The following PTPRH variants were observed in gnomAD, a reference collection of about 807,000 sequenced individuals.
The protein encoded by PTPRH is protein tyrosine phosphatase receptor type H.
PTPRH carries 113 observed loss-of-function variants against 130.2 expected under a neutral mutation model. The ratio of observed to expected loss-of-function variants is 0.87; its 90% CI spans 0.75 to 1.01. The LOEUF is 1.01. Ranked by LOEUF, PTPRH falls within the 50% of genes least tolerant of loss-of-function variation. The pLI is 0.00. For missense variants in PTPRH, 1,430 were observed against 1,425.0 expected (o/e 1.00, Z -0.06); for synonymous variants, 556 against 577.9 (o/e 0.96, Z 0.54).
In PTPRH at chr19:55,181,576, A is replaced by G; in HGVS notation, c.*178T>C. The G allele has an allele frequency of 1.3e-6, 1 of 796,336 alleles. No individual in the cohort carries two copies. Among genetic ancestry groups the G allele is most frequent in the Non-Finnish European group, 2.0e-6 (1 of 499,054 alleles). 49.3% of individuals were successfully genotyped at this position (796,336 alleles called of 1,614,324 possible). On this transcript the variant is annotated 3_prime_UTR_variant, in exon 20 of 20. Coordinates refer to ENST00000376350, the MANE Select transcript of PTPRH (RefSeq NM_002842.5). ...CAGATCCCCAGCTCCCATAGGACTCATCTGAAGCCCACCAGACCACTCTCT... is the reference window on the plus strand; with the variant it reads ...CAGATCCCCAGCTCCCATAGGACTCGTCTGAAGCCCACCAGACCACTCTCT...
At position 55,185,895 on chromosome 19, in the gene PTPRH, C is replaced by T. The variant is rs2086306910; in HGVS notation, c.2868G>A (p.Glu956=). The change falls in exon 17 of 20, where the codon GAG becomes GAA. Residue 956 remains glutamate, a synonymous_variant. Coordinates refer to ENST00000376350, the MANE Select transcript of PTPRH (RefSeq NM_002842.5). ...RVTLVGEEVM[E]NWTVRELLLL... is the part of the protein sequence containing the mutation. ...GCAGCAGTTCCCGCACCGTCCAGTT[C>T]TCCATCACTTCCTCACCTACCAGGG... 1 of 1,614,180 alleles carries T rather than the reference C, an allele frequency of 6.2e-7. No homozygotes were observed. The highest frequency in any genetic ancestry group is 8.5e-7 in the Non-Finnish European group (1 of 1,180,032).
intron 5 of PTPRH, among the ~76,000 whole-genome samples, chr19:55,203,124 C>G (rs371140982): frequency 2.6e-5 from 4 of 151,350 alleles, no homozygotes; most frequent in Non-Finnish European, 5.9e-5. Context: ...GTCAGGAGAT[C>G]GAGACCATCC....
At chr19:55,195,050 C>G (rs1315391231) in intron 10 of PTPRH, among the ~76,000 whole-genome samples, 1 of 152,070 alleles carries the variant, frequency 6.6e-6, no homozygotes, top group Non-Finnish European at 1.5e-5. Context: ...ATTAGCTGGG[C>G]ATGGTGGCTC....
intron 10 of PTPRH, among the ~76,000 whole-genome samples, chr19:55,194,973 A>C (rs1189502689): frequency 2.0e-5 from 3 of 152,154 alleles, no homozygotes; most frequent in African/African-American, 7.2e-5. Context: ...GGATTACTTC[A>C]GGTCAGGAGT....
At chr19:55,199,742 A>AGC (rs2086796149) in intron 7 of PTPRH, among the ~76,000 whole-genome samples, 1 of 95,800 alleles carries the variant, frequency 1.0e-5, no homozygotes, top group Admixed American at 1.1e-4. Context: ...AGGGAAGGAA[A>AGC]GAGAAGGAAA....
chr19:55,186,094 A>G, intron 16 of PTPRH, 110 bp from the exon 17 acceptor site: 1 of 1,581,176 alleles, frequency 6.3e-7, no homozygotes, highest in African/African-American at 1.3e-5. Context: ...AGAGTGGGGA[A>G]CAGGTCTACA....
At chr19:55,206,017 G>C (rs188131560) in intron 3 of PTPRH, among the ~76,000 whole-genome samples, 21 of 152,274 alleles carry the variant, frequency 1.4e-4, no homozygotes, top group African/African-American at 5.1e-4. Flanking sequence ...CGGATCACCT[G>C]AGGTCAGGAG....
chr19:55,204,860 A>C (rs1416085421), intron 4 of PTPRH, among the ~76,000 whole-genome samples: 1 of 152,184 alleles, frequency 6.6e-6, no homozygotes, highest in African/African-American at 2.4e-5. Context: ...AACGAGCTTA[A>C]ATTTAATAGC....
rs1428754275 is a variant in PTPRH, at chr19:55,198,735, T to C, written c.1598A>G (p.Lys533Arg). Residue 533 changes from lysine (K) to arginine (R), a missense_variant, in exon 8 of 20, where the codon AAG (lysine) becomes AGG (arginine). Physicochemically the swap from Lys to Arg is conservative, Grantham distance 26. Coordinates refer to ENST00000376350, the MANE Select transcript of PTPRH (RefSeq NM_002842.5). ...GTACAGGCTGCCAGCTTCCAGTTCCTTTAGGGTGATGTCAGTACCTGAGGT... is the reference window on the plus strand; with the variant it reads ...GTACAGGCTGCCAGCTTCCAGTTCCCTTAGGGTGATGTCAGTACCTGAGGT... ...QSTSGTDITL[K>R]ELEAGSLYHL... is the part of the protein sequence containing the mutation. 15 of 1,614,134 alleles carry C rather than the reference T, an allele frequency of 9.3e-6. No homozygotes were observed. The highest frequency in any genetic ancestry group is 1.3e-5 in the Non-Finnish European group (15 of 1,180,022).
At position 55,187,593 on chromosome 19, in the gene PTPRH, A is replaced by G. The variant is rs780987413; in HGVS notation, c.2486T>C (p.Leu829Pro). Residue 829 changes from leucine to proline, a missense_variant, in exon 14 of 20, where the codon CTG (leucine) becomes CCG (proline). By Grantham distance (98) the Leu-to-Pro change is moderately conservative. Coordinates refer to ENST00000376350, the MANE Select transcript of PTPRH (RefSeq NM_002842.5). ...GFADEYQQLS[L>P]VGHSQSQMVA... ...CATCTGAGACTGGCTGTGGCCCACC[A>G]GGGAGAGTTGCTGGGGATGCAGGGA... 1.9e-6 allele frequency: 3 copies of G among 1,612,308 alleles called. No homozygotes were observed. Among genetic ancestry groups the G allele is most frequent in the Non-Finnish European group, 2.5e-6 (3 of 1,178,730 alleles).
At chr19:55,205,643 C>G in intron 3 of PTPRH, 51 bp from the exon 4 acceptor site, 1 of 1,600,186 alleles carries the variant, frequency 6.2e-7, no homozygotes, top group Non-Finnish European at 8.5e-7. Flanking sequence ...GGCCCTCAAA[C>G]TTTCCAGCCC....
chr19:55,187,806 G>GAC (rs1428632191), intron 13 of PTPRH, among the ~76,000 whole-genome samples: 1 of 151,988 alleles, frequency 6.6e-6, no homozygotes, highest in Non-Finnish European at 1.5e-5. Context: ...GGAACCATGG[G>GAC]ACTTCTTCAG....
At chr19:55,196,837 C>T (rs1468167945) in intron 9 of PTPRH, 49 bp from the exon 10 acceptor site, 31 of 1,572,324 alleles carry the variant, frequency 2.0e-5, no homozygotes, top group Non-Finnish European at 2.4e-5. Flanking sequence ...GGTGGCTTTC[C>T]ACCCCCTCCA....
At position 55,209,321 on chromosome 19, in the gene PTPRH, C is replaced by T; in HGVS notation, c.51+62G>A. On this transcript the variant is annotated intron_variant, in intron 1 of 19. Coordinates refer to ENST00000376350, the MANE Select transcript of PTPRH (RefSeq NM_002842.5). This position sits in a 1 kb window ranked among gnomAD's most constrained non-coding sequence, Gnocchi z 4.1. ...AAGATCGAGGTGCAGGCACCCAGCTCCTTCTCCCTCAGACCTGGGAGTCCC... is the reference window on the plus strand; with the variant it reads ...AAGATCGAGGTGCAGGCACCCAGCTTCTTCTCCCTCAGACCTGGGAGTCCC... The T allele has an allele frequency of 7.0e-7, 1 of 1,436,236 alleles. No individual in the cohort carries two copies. Among genetic ancestry groups the T allele is most frequent in the Non-Finnish European group, 9.6e-7 (1 of 1,041,420 alleles). 89.0% of individuals were successfully genotyped at this position (1,436,236 alleles called of 1,614,324 possible). A position where few individuals can be genotyped will look rare whatever the true frequency, so the allele number is the denominator to read the frequency against.
At chr19:55,191,778 G>A in intron 10 of PTPRH, 37 bp from the exon 11 acceptor site, 1 of 1,550,176 alleles carries the variant, frequency 6.5e-7, no homozygotes, top group Non-Finnish European at 8.9e-7. Flanking sequence ...TCAGAGCGCA[G>A]GTCTGAGCTG....
At chr19:55,207,624 ACC>A (rs1237063532) in intron 1 of PTPRH, among the ~76,000 whole-genome samples, 1 of 130,316 alleles carries the variant, frequency 7.7e-6, no homozygotes, top group Non-Finnish European at 1.6e-5. Context: ...GGGGGTCTCG[ACC>A]TCTGGTTTGA....
intron 18 of PTPRH, among the ~76,000 whole-genome samples, chr19:55,182,795 T>C (rs1359630329): frequency 6.6e-6 from 1 of 151,908 alleles, no homozygotes; most frequent in Non-Finnish European, 1.5e-5. Flanking sequence ...ACACAAAAAT[T>C]AGTCTTTTGT....
chr19:55,198,669 T>C lies in PTPRH; in HGVS notation c.1664A>G (p.Tyr555Cys), dbSNP rs554149263. Residue 555 changes from tyrosine to cysteine, a missense_variant, in exon 8 of 20, where the codon TAT (tyrosine) becomes TGT (cysteine). By Grantham distance (194) the Tyr-to-Cys change is radical (BLOSUM62 -2). Coordinates refer to ENST00000376350, the MANE Select transcript of PTPRH (RefSeq NM_002842.5). ...VWAERNEVRGYNSTLTAATAP... is the reference protein window; with the variant it reads ...VWAERNEVRGCNSTLTAATAP... ...AGTGGCTGCAGTGAGGGTGCTGTTA[T>C]AGCCTCTGACCTCATTCCTCTCGGC... 401 of 1,612,192 alleles carry C rather than the reference T, an allele frequency of 2.5e-4. 5 individuals carry two copies. The South Asian group carries it at 4.0e-3, about 16-fold the overall frequency.
chr19:55,202,943 G>T (rs2086912542), intron 5 of PTPRH, among the ~76,000 whole-genome samples: 1 of 151,946 alleles, frequency 6.6e-6, no homozygotes, highest in African/African-American at 2.4e-5. Flanking sequence ...GGAGGCTGAG[G>T]CAGGAGAATA....
Sources: gnomAD v4.1 joint callset for allele counts (sites outside exome capture counted in the v4.1 genomes callset) on GRCh38, gnomAD v4.1.1 for gene constraint, Gnocchi (gnomAD v3.1) non-coding constraint, MANE v1.5 for transcripts, NCBI Gene and HGNC (gene_info 2026-07-23, HGNC 2026-07-21) for gene names.